The following CORIN variants were observed in gnomAD, a reference collection of about 807,000 sequenced individuals.
CORIN encodes the protein atrial natriuretic peptide-converting enzyme.
Under a neutral mutation model 125.3 loss-of-function variants are expected in CORIN, and 117 were observed. That is an observed-to-expected ratio of 0.93 (90% CI 0.80 to 1.09). The LOEUF is 1.09. CORIN is among the 50% of genes least tolerant of loss of function. CORIN has a pLI of 0.00. For missense variants in CORIN, 1,253 were observed against 1,306.7 expected, an observed-to-expected ratio of 0.96 and a Z score of 0.63; for synonymous variants, 450 against 466.4, an observed-to-expected ratio of 0.96 and a Z score of 0.45.
chr4:47,832,444 TC>T (rs59145332), intron 1 of CORIN, among the ~76,000 whole-genome samples: 29,953 of 127,522 alleles, frequency 0.23, 3,757 homozygotes, highest in Non-Finnish European at 0.29. Flanking sequence ...TCTTTTCTTT[TC>T]TTTTTTTTTT....
At chr4:47,732,906 G>A (rs1727948117) in intron 5 of CORIN, among the ~76,000 whole-genome samples, 1 of 151,738 alleles carries the variant, frequency 6.6e-6, no homozygotes, top group Non-Finnish European at 1.5e-5. Flanking sequence ...CCACTCCCGT[G>A]ACCCCCACCC....
At chr4:47,782,483 T>C (rs796396847) in intron 3 of CORIN, among the ~76,000 whole-genome samples, 7 of 150,896 alleles carry the variant, frequency 4.6e-5, no homozygotes, top group African/African-American at 1.7e-4. Flanking sequence ...CAATAATGGA[T>C]AGAACAACTA....
intron 1 of CORIN, among the ~76,000 whole-genome samples, chr4:47,829,135 G>A (rs6447585): frequency 0.34 from 46,875 of 138,562 alleles, 9,156 homozygotes; most frequent in Non-Finnish European, 0.44. Context: ...TCCAGCCTGG[G>A]TGACAGGGCG....
intron 13 of CORIN, among the ~76,000 whole-genome samples, chr4:47,648,709 C>T (rs998897992): frequency 6.6e-6 from 1 of 152,168 alleles, no homozygotes; most frequent in Non-Finnish European, 1.5e-5. Context: ...TTGAGTTGAG[C>T]TGCATGAAAT....
Position 47,751,546 on chromosome 4 carries a change from C to G in CORIN, c.618-6963G>C, listed in dbSNP as rs952257277. On this transcript the variant is annotated intron_variant, in intron 4 of 21. Coordinates refer to ENST00000273857, the MANE Select transcript of CORIN (RefSeq NM_006587.4). ...CTGGCTGTTACTTCATCTGAATTGC[C>G]TTTTTACCCCACCTTGTTTACATGG... Among the ~76,000 whole-genome samples the G allele has an allele frequency of 1.1e-4, 16 of 152,238 alleles. 1 individual carries two copies. The highest frequency in any genetic ancestry group is 3.6e-4 in the African/African-American group (15 of 41,518).
At chr4:47,636,704 CCTT>C (rs1164656514) in intron 16 of CORIN, among the ~76,000 whole-genome samples, 1 of 152,178 alleles carries the variant, frequency 6.6e-6, no homozygotes, top group Non-Finnish European at 1.5e-5. Flanking sequence ...GTGACTTGCT[CCTT>C]CTCACCTTCT....
chr4:47,822,295 AT>A, intron 1 of CORIN, among the ~76,000 whole-genome samples: 1 of 152,354 alleles, frequency 6.6e-6, no homozygotes, highest in East Asian at 1.9e-4. Flanking sequence ...TGCTAACCAG[AT>A]GCCTCACTGC....
chr4:47,668,981 C>G (rs930908854), intron 10 of CORIN, among the ~76,000 whole-genome samples: 2 of 152,142 alleles, frequency 1.3e-5, no homozygotes, highest in African/African-American at 2.4e-5. Context: ...GCTTTTTTAT[C>G]TTAAGCATTA....
chr4:47,710,429 C>T (rs912519278), intron 5 of CORIN, among the ~76,000 whole-genome samples: 4 of 152,234 alleles, frequency 2.6e-5, no homozygotes, highest in Non-Finnish European at 5.9e-5. Flanking sequence ...ATGTGTATGA[C>T]TTTATTTTGT....
chr4:47,642,929 T>C, intron 15 of CORIN: 2 of 1,526,328 alleles, frequency 1.3e-6, no homozygotes, highest in Non-Finnish European at 1.7e-6. Flanking sequence ...CGTTTTTCCA[T>C]ACAATATAGA....
At chr4:47,728,455 A>G (rs111950321) in intron 5 of CORIN, among the ~76,000 whole-genome samples, 32 of 152,292 alleles carry the variant, frequency 2.1e-4, no homozygotes, top group African/African-American at 7.7e-4. Context: ...CTGGTTCTGT[A>G]AAGATCTATC....
chr4:47,837,849 C>T (rs1733532928), intron 1 of CORIN, 38 bp downstream of exon 1: 3 of 1,583,064 alleles, frequency 1.9e-6, no homozygotes, highest in Non-Finnish European at 2.6e-6. Context: ...GAGGCCATCA[C>T]ACCTGGCTGC....
chr4:47,719,603 G>A (rs1413710727), intron 5 of CORIN, among the ~76,000 whole-genome samples: 1 of 152,126 alleles, frequency 6.6e-6, no homozygotes, highest in Non-Finnish European at 1.5e-5. Context: ...TTGTTACAAT[G>A]TTCAAATGTT....
In CORIN at chr4:47,830,670, G is replaced by A. The variant is rs572488681; in HGVS notation, c.63+7217C>T. ...AATTCTCATACATTAAAGCTATTTA[G>A]GTCTAGCTATGGCTTTCACTTCTTG... On this transcript the variant is annotated intron_variant, in intron 1 of 21. Coordinates refer to ENST00000273857, the MANE Select transcript of CORIN (RefSeq NM_006587.4). Among the ~76,000 whole-genome samples the A allele has an allele frequency of 2.9e-4, 44 of 152,280 alleles. No homozygotes were observed. In the South Asian group the frequency reaches 9.1e-3, roughly 32 times the overall value.
At chr4:47,686,988 T>C (rs1255619447) in intron 6 of CORIN, among the ~76,000 whole-genome samples, 1 of 152,244 alleles carries the variant, frequency 6.6e-6, no homozygotes, top group Non-Finnish European at 1.5e-5. Context: ...AAACACTGCA[T>C]TGGAGATATT....
rs767346744 is a variant in CORIN, at chr4:47,763,394, A to G, written c.602T>C (p.Ile201Thr). 3.5e-5 allele frequency: 56 copies of G among 1,613,528 alleles called. No individual in the cohort carries two copies. The highest frequency in any genetic ancestry group is 4.4e-5 in the Non-Finnish European group (52 of 1,179,686). Residue 201 changes from isoleucine (I) to threonine (T), a missense_variant, in exon 4 of 22, where the codon ATT (isoleucine) becomes ACT (threonine). Coordinates refer to ENST00000273857, the MANE Select transcript of CORIN (RefSeq NM_006587.4). The part of the protein sequence containing the change: ...GCTLAFPECI[I>T]DGDDSHGLLP... ...TCCGAAATACCTGTCATCGCCATCA[A>G]TGATGCACTCAGGGAAGGCGAGGGT... is the stretch of plus-strand genomic sequence containing the variant.
chr4:47,698,655 C>T (rs1726147181), intron 5 of CORIN, among the ~76,000 whole-genome samples: 1 of 151,990 alleles, frequency 6.6e-6, no homozygotes, highest in South Asian at 2.1e-4. Flanking sequence ...GAAATAGACT[C>T]TAGGGGGACA....
intron 1 of CORIN, among the ~76,000 whole-genome samples, chr4:47,830,798 G>A (rs1488813433): frequency 1.3e-5 from 2 of 152,068 alleles, no homozygotes; most frequent in Non-Finnish European, 2.9e-5. Flanking sequence ...AGATTTCCTG[G>A]TACTGTCAAT....
At chr4:47,670,248 G>A (rs1724686334) in intron 10 of CORIN, among the ~76,000 whole-genome samples, 1 of 152,210 alleles carries the variant, frequency 6.6e-6, no homozygotes, top group South Asian at 2.1e-4. Context: ...GATGTTAGCA[G>A]CTGTAGATGC....
Sources: gnomAD v4.1 joint callset for allele counts (sites outside exome capture counted in the v4.1 genomes callset) on GRCh38, gnomAD v4.1.1 for gene constraint, MANE v1.5 for transcripts, NCBI Gene and HGNC (gene_info 2026-07-23, HGNC 2026-07-21) for gene names.